The following CDH13 variants were observed in gnomAD, a reference collection of about 807,000 sequenced individuals.
The protein encoded by CDH13 is cadherin 13, also known as cadherin-13.
In CDH13, 24 loss-of-function variants were observed where a neutral mutation model predicts 63.8. The ratio of observed to expected loss-of-function variants is 0.38; its 90% confidence interval spans 0.27 to 0.53. The LOEUF (loss-of-function observed/expected upper bound fraction) is 0.53, where lower values mean the gene tolerates loss of function less well. CDH13 is among the 20% of genes least tolerant of loss of function. The pLI, the probability that CDH13 is intolerant of heterozygous loss-of-function variation, is 0.85. For synonymous variants in CDH13, 503 were observed against 355.3 expected, an observed-to-expected ratio of 1.42 and a Z score of -4.67; for missense variants, 1,049 against 903.1, an observed-to-expected ratio of 1.16 and a Z score of -2.07.
intron 3 of CDH13, among the ~76,000 whole-genome samples, chr16:83,059,125 A>G (rs776461676): frequency 6.6e-6 from 1 of 152,146 alleles, no homozygotes; most frequent in Non-Finnish European, 1.5e-5. Flanking sequence ...AAGGAGGCCA[A>G]TCAAAAAAGA....
At chr16:83,589,140 C>A (rs1312602747) in intron 7 of CDH13, among the ~76,000 whole-genome samples, 1 of 152,142 alleles carries the variant, frequency 6.6e-6, no homozygotes, top group Non-Finnish European at 1.5e-5. Context: ...CTTTTTCTAT[C>A]TTCTAAAGGC....
intron 9 of CDH13, among the ~76,000 whole-genome samples, chr16:83,674,782 C>G (rs1287144503): frequency 6.6e-6 from 1 of 152,198 alleles, no homozygotes; most frequent in Admixed American, 6.5e-5. Flanking sequence ...TCAGAAGCAC[C>G]CTTAGCTGCT....
At chr16:83,515,695 A>C (rs923937571) in intron 7 of CDH13, among the ~76,000 whole-genome samples, 6 of 152,234 alleles carry the variant, frequency 3.9e-5, no homozygotes, top group Admixed American at 3.3e-4. Context: ...CAAGTTTTTT[A>C]TAAGCAGGAC....
chr16:83,532,839 C>A (rs1339501680), intron 7 of CDH13, among the ~76,000 whole-genome samples: 1 of 152,206 alleles, frequency 6.6e-6, no homozygotes, highest in African/African-American at 2.4e-5. Flanking sequence ...TGTTATGAGC[C>A]ATGCGTTGTG....
intron 4 of CDH13, among the ~76,000 whole-genome samples, chr16:83,181,769 C>G (rs2038354575): frequency 6.6e-6 from 1 of 151,986 alleles, no homozygotes; most frequent in Admixed American, 6.6e-5. Context: ...AAATCACAGG[C>G]AAAGTGAGTG....
chr16:83,559,582 G>C lies in CDH13; in HGVS notation c.961-42872G>C, dbSNP rs529620779. Among the ~76,000 whole-genome samples the C allele has an allele frequency of 5.7e-4, 87 of 151,480 alleles. 1 individual carries two copies. Among genetic ancestry groups the C allele is most frequent in the African/African-American group, 2.0e-3 (81 of 41,234 alleles). On this transcript the variant is annotated intron_variant, in intron 7 of 13. Coordinates refer to ENST00000567109, the MANE Select transcript of CDH13 (RefSeq NM_001257.5). ...GCGAAACTGTATAAAAAGAAAGAGA[G>C]AGAGAGAGAGAAAAGAAGGAAGGAA...
intron 7 of CDH13, among the ~76,000 whole-genome samples, chr16:83,601,838 T>C (rs1862014918): frequency 6.6e-6 from 1 of 151,966 alleles, no homozygotes; most frequent in Non-Finnish European, 1.5e-5. Context: ...CTCACACCTG[T>C]AATCCCAGCA....
chr16:82,761,523 A>G (rs759582702), intron 1 of CDH13, among the ~76,000 whole-genome samples: 55 of 152,240 alleles, frequency 3.6e-4, no homozygotes, highest in Middle Eastern at 6.8e-3. Flanking sequence ...TTCTCAATCA[A>G]TTATTTGGGA....
At chr16:83,178,138 A>G (rs1567480550) in intron 4 of CDH13, among the ~76,000 whole-genome samples, 1 of 152,092 alleles carries the variant, frequency 6.6e-6, no homozygotes, top group Non-Finnish European at 1.5e-5. Flanking sequence ...TGTTTTATAA[A>G]GTGAAAAAGG....
intron 1 of CDH13, among the ~76,000 whole-genome samples, chr16:82,682,547 A>T (rs906601201): frequency 6.6e-6 from 1 of 152,222 alleles, no homozygotes; most frequent in South Asian, 2.1e-4. Flanking sequence ...CCAAGTATGA[A>T]AGTTAATTTC....
chr16:82,866,010 G>C (rs1288034807), intron 2 of CDH13, among the ~76,000 whole-genome samples: 1 of 152,100 alleles, frequency 6.6e-6, no homozygotes, highest in Non-Finnish European at 1.5e-5. Context: ...CCTCTCTCAA[G>C]TTCAAAATTC....
chr16:83,200,965 G>GTGTC (rs1555511864), intron 4 of CDH13, among the ~76,000 whole-genome samples: 3,501 of 144,460 alleles, frequency 0.024, 71 homozygotes, highest in Non-Finnish European at 0.029. Flanking sequence ...GTGTGTGTGT[G>GTGTC]TGTGTGTTAT....
chr16:83,609,912 A>G (rs1333826911), intron 8 of CDH13, among the ~76,000 whole-genome samples: 1 of 152,178 alleles, frequency 6.6e-6, no homozygotes, highest in African/African-American at 2.4e-5. Context: ...CCACTGATCT[A>G]CTGTCAGCCT....
chr16:83,228,053 GC>G (rs1555515757), intron 5 of CDH13, among the ~76,000 whole-genome samples: 1 of 152,148 alleles, frequency 6.6e-6, no homozygotes, highest in Non-Finnish European at 1.5e-5. Flanking sequence ...GTCCAGGAAG[GC>G]CCTCCTGGGA....
intron 5 of CDH13, among the ~76,000 whole-genome samples, chr16:83,318,713 TA>T (rs1261234013): frequency 3.3e-5 from 5 of 152,112 alleles, no homozygotes; most frequent in Admixed American, 2.6e-4. Context: ...TGGGTTCCAG[TA>T]TGTATTTCTG....
intron 6 of CDH13, among the ~76,000 whole-genome samples, 175 bp downstream of exon 6, chr16:83,345,181 G>A (rs950737155): frequency 1.3e-5 from 2 of 152,198 alleles, no homozygotes; most frequent in Non-Finnish European, 2.9e-5. Flanking sequence ...AAGCTTGACC[G>A]AGGTGTTGCA....
At chr16:83,620,538 T>C (rs1247828279) in intron 8 of CDH13, among the ~76,000 whole-genome samples, 2 of 152,102 alleles carry the variant, frequency 1.3e-5, no homozygotes, top group Non-Finnish European at 2.9e-5. Flanking sequence ...AACACCTATG[T>C]CCTTCACCCA....
At chr16:83,130,679 TTAAC>T (rs1333543796) in intron 4 of CDH13, among the ~76,000 whole-genome samples, 4 of 152,210 alleles carry the variant, frequency 2.6e-5, no homozygotes, top group South Asian at 2.1e-4. Flanking sequence ...AAAATTAAGT[TTAAC>T]TAAATATAAA....
chr16:82,639,392 C>G, intron 1 of CDH13: 2 of 1,535,580 alleles, frequency 1.3e-6, no homozygotes, highest in Non-Finnish European at 1.7e-6. Flanking sequence ...GCATGGTTCC[C>G]CCAGCAAGAA....
Sources: allele counts gnomAD v4.1 joint callset (sites outside exome capture counted in the v4.1 genomes callset), GRCh38; gene constraint gnomAD v4.1.1; transcripts MANE v1.5; gene names NCBI Gene and HGNC (gene_info 2026-07-23, HGNC 2026-07-21).